Variants in TMEM117 observed in about 807,000 individuals in gnomAD.
TMEM117 encodes transmembrane protein 117.
TMEM117 carries 27 observed loss-of-function variants against 52.4 expected under a neutral mutation model. The ratio of observed to expected loss-of-function variants is 0.51; its 90% CI spans 0.38 to 0.71. The LOEUF (loss-of-function observed/expected upper bound fraction) is 0.71, where lower values mean the gene tolerates loss of function less well. Among genes scored for constraint, TMEM117 ranks in the 30% least tolerant of loss-of-function variants. TMEM117 has a pLI of 0.00. For synonymous variants in TMEM117, 215 were observed against 206.3 expected (o/e 1.04, Z -0.36); for missense variants, 556 against 630.5 (o/e 0.88, Z 1.26).
intron 7 of TMEM117, among the ~76,000 whole-genome samples, chr12:44,377,656 C>G (rs1366502263): frequency 2.6e-5 from 4 of 152,118 alleles, no homozygotes; most frequent in Non-Finnish European, 5.9e-5. Flanking sequence ...GGCATTAGTT[C>G]CAAAGCTGTT....
intron 5 of TMEM117, among the ~76,000 whole-genome samples, chr12:44,259,917 G>T (rs1950301760): frequency 6.6e-6 from 1 of 152,100 alleles, no homozygotes. Context: ...TTTTAGTTAA[G>T]AACCAATCGT....
At chr12:44,059,682 A>G (rs973920081) in intron 3 of TMEM117, among the ~76,000 whole-genome samples, 2 of 152,244 alleles carry the variant, frequency 1.3e-5, no homozygotes, top group East Asian at 3.8e-4. Context: ...ATACAGCAAC[A>G]TTCTCTAATG....
the TMEM117 span, among the ~76,000 whole-genome samples, chr12:43,819,510 C>T: frequency 6.6e-6 from 1 of 152,170 alleles, no homozygotes; most frequent in Non-Finnish European, 1.5e-5. Flanking sequence ...CGGGATGGCT[C>T]ACACCTGTAA....
chr12:44,249,310 C>T (rs1239423289), intron 5 of TMEM117, among the ~76,000 whole-genome samples: 1 of 152,072 alleles, frequency 6.6e-6, no homozygotes, highest in East Asian at 1.9e-4. Flanking sequence ...ATAGAATTAG[C>T]AAACAACTAG....
intron 6 of TMEM117, among the ~76,000 whole-genome samples, chr12:44,349,655 G>C (rs2138775201): frequency 6.6e-6 from 1 of 152,132 alleles, no homozygotes; most frequent in African/African-American, 2.4e-5. Flanking sequence ...CATTCTGTTG[G>C]AAGTAGCATC....
intron 5 of TMEM117, among the ~76,000 whole-genome samples, chr12:44,271,978 T>TG (rs1950451584): frequency 6.6e-6 from 1 of 151,954 alleles, no homozygotes; most frequent in Admixed American, 6.6e-5. Flanking sequence ...AACACATATG[T>TG]GAAAAAATGC....
chr12:44,005,018 T>C (rs1946172238), intron 3 of TMEM117, among the ~76,000 whole-genome samples: 1 of 152,208 alleles, frequency 6.6e-6, no homozygotes, highest in African/African-American at 2.4e-5. Flanking sequence ...TTCTAATAAC[T>C]AGCTGAAAGA....
chr12:43,821,235 G>A, the TMEM117 span, among the ~76,000 whole-genome samples: 1 of 152,040 alleles, frequency 6.6e-6, no homozygotes, highest in Non-Finnish European at 1.5e-5. Flanking sequence ...CCCTTATTGT[G>A]TGACTGAAAT....
chr12:44,030,763 G>A (rs1044844001), intron 3 of TMEM117, among the ~76,000 whole-genome samples: 21 of 152,128 alleles, frequency 1.4e-4, no homozygotes, highest in African/African-American at 4.8e-4. Flanking sequence ...GTAACCTTCA[G>A]CATAAATGAG....
chr12:44,096,663 G>C (rs1186121045), intron 3 of TMEM117, among the ~76,000 whole-genome samples: 3 of 151,972 alleles, frequency 2.0e-5, no homozygotes, highest in Non-Finnish European at 4.4e-5. Flanking sequence ...CTAGCCATAT[G>C]TAGAAAGCTG....
the TMEM117 span, among the ~76,000 whole-genome samples, chr12:43,814,446 T>G: frequency 2.0e-5 from 3 of 152,164 alleles, no homozygotes; most frequent in African/African-American, 7.2e-5. Flanking sequence ...CTAGATGTTA[T>G]CTCACCTAAC....
intron 2 of TMEM117, among the ~76,000 whole-genome samples, chr12:43,927,875 G>A (rs541042262): frequency 9.9e-5 from 15 of 151,878 alleles, no homozygotes; most frequent in African/African-American, 3.6e-4. Flanking sequence ...AACAATTATT[G>A]TCTTTTAACT....
intron 2 of TMEM117, among the ~76,000 whole-genome samples, chr12:43,877,556 AC>A (rs893660242): frequency 6.6e-6 from 1 of 151,292 alleles, no homozygotes; most frequent in African/African-American, 2.4e-5. Context: ...AATCACTTGA[AC>A]CCGGGAGGTG....
intron 2 of TMEM117, among the ~76,000 whole-genome samples, chr12:43,900,128 C>A (rs891791956): frequency 6.6e-6 from 1 of 152,192 alleles, no homozygotes; most frequent in Non-Finnish European, 1.5e-5. Context: ...CAGTAAAAAT[C>A]TACTGGTGGG....
intron 2 of TMEM117, among the ~76,000 whole-genome samples, chr12:43,857,891 A>C (rs939229758): frequency 6.6e-6 from 1 of 152,214 alleles, no homozygotes; most frequent in African/African-American, 2.4e-5. Flanking sequence ...AGGATAAATA[A>C]GTGGTGGTAG....
the TMEM117 span, among the ~76,000 whole-genome samples, chr12:44,398,341 G>T: frequency 6.6e-6 from 1 of 152,040 alleles, no homozygotes; most frequent in African/African-American, 2.4e-5. Flanking sequence ...CTGGCAGGGT[G>T]TTGTCATTGT....
At chr12:44,015,828 C>A (rs901689684) in intron 3 of TMEM117, among the ~76,000 whole-genome samples, 25 of 152,148 alleles carry the variant, frequency 1.6e-4, no homozygotes, top group African/African-American at 5.8e-4. Context: ...ATATTATACA[C>A]CTCATTGAGA....
At chr12:44,244,566 A>G (rs1950105725) in intron 5 of TMEM117, 1 of 151,816 alleles carries the variant, frequency 6.6e-6, no homozygotes. Flanking sequence ...TTAATATTGA[A>G]TAGTTTGAGT....
intron 4 of TMEM117, among the ~76,000 whole-genome samples, chr12:44,170,471 A>G (rs541399269): frequency 1.3e-5 from 2 of 152,192 alleles, no homozygotes; most frequent in African/African-American, 4.8e-5. Context: ...ATTAAAAAAA[A>G]TCATTACCAA....
Sources: allele counts gnomAD v4.1 joint callset (sites outside exome capture counted in the v4.1 genomes callset), GRCh38; gene constraint gnomAD v4.1.1; transcripts MANE v1.5; gene names NCBI Gene and HGNC (gene_info 2026-07-23, HGNC 2026-07-21).